The following SHBG variants were observed in gnomAD, a reference collection of about 807,000 sequenced individuals.
The protein encoded by SHBG is sex hormone binding globulin.
Under a neutral mutation model 41.9 loss-of-function variants are expected in SHBG, and 37 were observed. The observed-to-expected ratio is 0.88, with a 90% confidence interval of 0.68 to 1.16. The LOEUF is 1.16. SHBG is among the 50% of genes most tolerant of loss of function. SHBG has a pLI of 0.00. For synonymous variants in SHBG, 217 were observed against 205.8 expected, an observed-to-expected ratio of 1.05 and a Z score of -0.47; for missense variants, 466 against 499.9, an observed-to-expected ratio of 0.93 and a Z score of 0.65.
chr17:7,626,947 A>G (rs761643072), upstream of SHBG: 10 of 1,613,654 alleles, frequency 6.2e-6, 2 homozygotes, highest in South Asian at 1.1e-4. Flanking sequence ...CAGTACCCCG[A>G]TATTCCGGCA....
At chr17:7,627,443 G>A (rs751879508), upstream of SHBG, 2 of 1,613,434 alleles carry the variant, frequency 1.2e-6, no homozygotes, top group African/African-American at 2.7e-5. This position sits in a 1 kb window ranked among gnomAD's most constrained non-coding sequence, Gnocchi z 4.8. Context: ...AGCTAGATTA[G>A]AGCAGAAGGG....
At chr17:7,627,212 C>A, upstream of SHBG, 1 of 1,614,104 alleles carries the variant, frequency 6.2e-7, no homozygotes, top group Non-Finnish European at 8.5e-7. This position sits in a 1 kb window ranked among gnomAD's most constrained non-coding sequence, Gnocchi z 4.8. Context: ...TCTCCAAAGC[C>A]ATCTGCTCTC....
At chr17:7,627,087 G>T, upstream of SHBG, 1 of 1,612,454 alleles carries the variant, frequency 6.2e-7, no homozygotes, top group South Asian at 1.1e-5. The surrounding 1 kb of genome is among the most constrained non-coding windows in gnomAD (Gnocchi z 4.8). Context: ...GAAGCCTGTG[G>T]GGAGACCTCT....
At chr17:7,620,380 G>A (rs1438431270) in intron 1 of SHBG, among the ~76,000 whole-genome samples, 1 of 152,140 alleles carries the variant, frequency 6.6e-6, no homozygotes, top group East Asian at 1.9e-4. Context: ...GCAGTGGCAC[G>A]ATGTTGGCTC....
rs901920948 is a variant in SHBG at position 7,614,361 on chromosome 17, G to GC, written c.-62+251dup. The stretch of plus-strand genomic sequence containing the variant: ...CCAAGATTCTAAGGGCCAGGACTCA[G>GC]CTCCAGAAGCTCGATCCCGCCCCAC... On this transcript the variant is annotated intron_variant, in intron 1 of 5. Transcript: ENST00000570547. The GC allele has an allele frequency of 5.3e-6, 5 of 952,314 alleles. No individual in the cohort carries two copies. In the African/African-American group the frequency reaches 8.2e-5, roughly 16 times the overall value. The allele number at this position is 952,314 out of a possible 1,614,324, so 59.0% of individuals were successfully genotyped here. A position where few individuals can be genotyped will look rare whatever the true frequency, so the allele number is the denominator to read the frequency against.
chr17:7,629,709 G>T (rs1271755241), upstream of SHBG, among the ~76,000 whole-genome samples: 1 of 152,140 alleles, frequency 6.6e-6, no homozygotes, highest in Non-Finnish European at 1.5e-5. Flanking sequence ...GAAGCACAGA[G>T]GTGAAGTGAC....
chr17:7,632,168 C>A, intron 6 of SHBG, 153 bp downstream of exon 6: 1 of 844,726 alleles, frequency 1.2e-6, no homozygotes, highest in Non-Finnish European at 1.9e-6. Flanking sequence ...AATAATTAGC[C>A]AGGCATGGTG....
upstream of SHBG, among the ~76,000 whole-genome samples, chr17:7,629,103 T>C (rs2072317012): frequency 6.6e-6 from 1 of 151,786 alleles, no homozygotes; most frequent in Non-Finnish European, 1.5e-5. Context: ...TCGGGCCTTG[T>C]GGCTAATGCC....
chr17:7,627,795 G>T (rs748134999), upstream of SHBG: 2 of 788,256 alleles, frequency 2.5e-6, no homozygotes, highest in South Asian at 3.0e-5. The surrounding 1 kb of genome is among the most constrained non-coding windows in gnomAD (Gnocchi z 4.8). Context: ...AGTGGAGCTG[G>T]GATTCCGGCG....
intron 1 of SHBG, chr17:7,614,801 G>A: frequency 5.2e-6 from 1 of 191,044 alleles, no homozygotes; most frequent in Non-Finnish European, 1.1e-5. Flanking sequence ...CTCAGCTTCC[G>A]CCCGCCGCCG....
rs1443242151 is a variant in SHBG, at chr17:7,630,145, T to C, written c.-28T>C. On this transcript the variant is annotated 5_prime_UTR_variant, in exon 1 of 8. Coordinates refer to ENST00000380450, the MANE Select transcript of SHBG (RefSeq NM_001040.5). The surrounding 1 kb of genome is among the most constrained non-coding windows in gnomAD (Gnocchi z 4.6). ...TCTACACATTCTCCCAAGAGTTGTC[T>C]GAGCCGCCGAGTGGACAGTGGCTGA... is the stretch of plus-strand genomic sequence containing the variant. 1.9e-6 allele frequency: 3 copies of C among 1,584,302 alleles called. No homozygotes were observed. Among genetic ancestry groups the C allele is most frequent in the Admixed American group, 3.3e-5 (2 of 59,990 alleles).
At chr17:7,616,710 G>A (rs1479514359) in intron 1 of SHBG, among the ~76,000 whole-genome samples, 4 of 151,956 alleles carry the variant, frequency 2.6e-5, no homozygotes, top group African/African-American at 9.7e-5. Flanking sequence ...GGCCAAGATG[G>A]GTGGATCACA....
At chr17:7,631,526 C>T (rs981597763) in intron 4 of SHBG, 63 bp from the exon 5 acceptor site, 70 of 1,595,572 alleles carry the variant, frequency 4.4e-5, no homozygotes, top group African/African-American at 3.1e-4. Context: ...GCAGGGAGGT[C>T]GGGACTGCGG....
intron 1 of SHBG, among the ~76,000 whole-genome samples, chr17:7,615,534 C>T (rs998349058): frequency 6.6e-6 from 1 of 152,138 alleles, no homozygotes; most frequent in Non-Finnish European, 1.5e-5. Flanking sequence ...GGCGCGGTGG[C>T]TCACGCCTGT....
At chr17:7,621,985 C>A (rs1485058521) in intron 1 of SHBG, among the ~76,000 whole-genome samples, 1 of 150,710 alleles carries the variant, frequency 6.6e-6, no homozygotes, top group African/African-American at 2.4e-5. Flanking sequence ...TACAGGCATG[C>A]GCCACCATGC....
upstream of SHBG, among the ~76,000 whole-genome samples, chr17:7,624,288 C>A (rs1455992774): frequency 2.0e-5 from 3 of 151,896 alleles, no homozygotes; most frequent in African/African-American, 7.3e-5. Flanking sequence ...CCATCTGTCA[C>A]CCAGGCTGGA....
Position 7,633,239 on chromosome 17 carries a change from C to CT in SHBG, c.1099dup (p.Trp367LeufsTer18), listed in dbSNP as rs946957309. The stretch of plus-strand genomic sequence containing the variant: ...TTCCACCTCTTTTTGCCTGAATGGC[C>CT]TTTGGGCACAAGGTCAGAGGCTGGA... On this transcript the variant is annotated frameshift_variant, in exon 8 of 8. Transcript: ENST00000380450. LOFTEE classifies it high-confidence loss of function. 2 of 1,614,144 alleles carry CT rather than the reference C, an allele frequency of 1.2e-6. No homozygotes were observed. The highest frequency in any genetic ancestry group is 2.7e-5 in the African/African-American group (2 of 75,040).
chr17:7,630,057 C>A, upstream of SHBG: 1 of 873,986 alleles, frequency 1.1e-6, no homozygotes, highest in Non-Finnish European at 1.9e-6. The surrounding 1 kb of genome is among the most constrained non-coding windows in gnomAD (Gnocchi z 4.6). Flanking sequence ...CCCCTGTTTC[C>A]TTTACCCCCT....
At chr17:7,627,849 C>T, upstream of SHBG, 1 of 654,764 alleles carries the variant, frequency 1.5e-6, no homozygotes, top group Non-Finnish European at 2.8e-6. The surrounding 1 kb of genome is among the most constrained non-coding windows in gnomAD (Gnocchi z 4.8). Context: ...ATCCTCTGTC[C>T]GGGCATAGCC....
Sources: gnomAD v4.1 joint callset for allele counts (sites outside exome capture counted in the v4.1 genomes callset) on GRCh38, gnomAD v4.1.1 for gene constraint, Gnocchi (gnomAD v3.1) non-coding constraint, MANE v1.5 for transcripts, NCBI Gene and HGNC (gene_info 2026-07-23, HGNC 2026-07-21) for gene names.